SBF2: variants seen among roughly 807,000 people sequenced by gnomAD.
SBF2 encodes SET binding factor 2.
Under a neutral mutation model 225.2 loss-of-function variants are expected in SBF2, and 112 were observed. The ratio of observed to expected loss-of-function variants is 0.50; its 90% CI spans 0.43 to 0.58. The LOEUF (loss-of-function observed/expected upper bound fraction) is 0.58, where lower values mean the gene tolerates loss of function less well. Among genes scored for constraint, SBF2 ranks in the 20% least tolerant of loss-of-function variants. The pLI, the probability that SBF2 is intolerant of heterozygous loss-of-function variation, is 0.00. For synonymous variants in SBF2, 763 were observed against 773.3 expected, an observed-to-expected ratio of 0.99 and a Z score of 0.22; for missense variants, 1,996 against 2,206.2, an observed-to-expected ratio of 0.90 and a Z score of 1.91.
chr11:10,027,421 A>G (rs1949092235), intron 6 of SBF2, among the ~76,000 whole-genome samples: 1 of 152,184 alleles, frequency 6.6e-6, no homozygotes, highest in Admixed American at 6.6e-5. Flanking sequence ...ACACTGATGA[A>G]AAGGGTGGTA....
At chr11:9,849,980 T>A in intron 22 of SBF2, 43 bp downstream of exon 22, 2 of 1,557,926 alleles carry the variant, frequency 1.3e-6, no homozygotes, top group Non-Finnish European at 1.8e-6. Flanking sequence ...AGACCTCATG[T>A]ACCACACAGA....
chr11:10,191,147 AG>A (rs941926404), intron 2 of SBF2, among the ~76,000 whole-genome samples: 1 of 152,178 alleles, frequency 6.6e-6, no homozygotes, highest in African/African-American at 2.4e-5. Context: ...CCATTATGGA[AG>A]GGGTAAGAAT....
intron 2 of SBF2, among the ~76,000 whole-genome samples, chr11:10,158,010 T>G (rs1955555283): frequency 6.6e-6 from 1 of 152,162 alleles, no homozygotes; most frequent in Non-Finnish European, 1.5e-5. Context: ...TAAATTGGTA[T>G]GAAATTAGAA....
At chr11:9,841,060 T>G (rs1000587729) in intron 25 of SBF2, among the ~76,000 whole-genome samples, 7 of 152,154 alleles carry the variant, frequency 4.6e-5, no homozygotes, top group African/African-American at 1.7e-4. Context: ...TTTTTGAAAA[T>G]GTACTCAAAG....
chr11:9,854,191 A>T (rs1321353571), intron 19 of SBF2, among the ~76,000 whole-genome samples: 3 of 152,194 alleles, frequency 2.0e-5, no homozygotes, highest in Non-Finnish European at 4.4e-5. Context: ...CTCAGCAACA[A>T]GCGTACTCTT....
At chr11:9,963,924 C>A (rs766933012) in intron 14 of SBF2, 42 bp from the exon 15 acceptor site, 6 of 1,173,354 alleles carry the variant, frequency 5.1e-6, no homozygotes, top group Non-Finnish European at 6.3e-6. Context: ...AATTAAACTT[C>A]TTTGGTAATT....
chr11:10,037,651 CTTA>C (rs1949494955), intron 3 of SBF2, among the ~76,000 whole-genome samples: 1 of 150,792 alleles, frequency 6.6e-6, no homozygotes, highest in Non-Finnish European at 1.5e-5. Context: ...AAAAAAAATC[CTTA>C]TTATTGGAAG....
chr11:10,051,407 GTAT>G, intron 2 of SBF2, among the ~76,000 whole-genome samples: 1 of 152,084 alleles, frequency 6.6e-6, no homozygotes, highest in African/African-American at 2.4e-5. Context: ...GATTAAAAAA[GTAT>G]TACCCTTAAA....
At chr11:9,945,285 T>A (rs1865499589) in intron 16 of SBF2, among the ~76,000 whole-genome samples, 1 of 151,926 alleles carries the variant, frequency 6.6e-6, no homozygotes, top group East Asian at 1.9e-4. Flanking sequence ...AACCCAGAAA[T>A]AAAGCCACAC....
intron 14 of SBF2, 24 bp downstream of exon 14, chr11:9,968,317 T>A: frequency 1.2e-6 from 2 of 1,608,094 alleles, no homozygotes; most frequent in Non-Finnish European, 1.7e-6. Context: ...AGTTTACTTT[T>A]AAAACAGACA....
chr11:9,800,651 C>T (rs1192886375), intron 32 of SBF2, among the ~76,000 whole-genome samples: 3 of 152,134 alleles, frequency 2.0e-5, no homozygotes. Context: ...TCGTGATCTG[C>T]CTGTCTCGGC....
intron 26 of SBF2, among the ~76,000 whole-genome samples, chr11:9,833,077 A>G (rs898015564): frequency 6.6e-5 from 10 of 152,256 alleles, no homozygotes; most frequent in African/African-American, 2.2e-4. Context: ...CTGAGATGAC[A>G]TTAGAGAATA....
At chr11:10,058,803 T>C (rs188177586) in intron 2 of SBF2, among the ~76,000 whole-genome samples, 1 of 152,124 alleles carries the variant, frequency 6.6e-6, no homozygotes, top group African/African-American at 2.4e-5. Flanking sequence ...AGGCTGACAG[T>C]AGACCATTCA....
At chr11:9,802,211 T>A (rs990001319) in intron 32 of SBF2, among the ~76,000 whole-genome samples, 12 of 152,374 alleles carry the variant, frequency 7.9e-5, no homozygotes, top group South Asian at 6.2e-4. Context: ...GGATTTTTTT[T>A]AATTTGGCTC....
chr11:10,063,906 G>C (rs1278074262), intron 2 of SBF2, among the ~76,000 whole-genome samples: 1 of 147,990 alleles, frequency 6.8e-6, no homozygotes, highest in Non-Finnish European at 1.5e-5. Flanking sequence ...TCAGTGAGCT[G>C]TAAGAGAACT....
At chr11:9,942,003 TAAC>T (rs1865279079) in intron 16 of SBF2, among the ~76,000 whole-genome samples, 2 of 152,194 alleles carry the variant, frequency 1.3e-5, no homozygotes, top group Admixed American at 1.3e-4. Flanking sequence ...GCATTTACAG[TAAC>T]AACAACAAAA....
chr11:9,895,853 G>T, intron 17 of SBF2, 90 bp downstream of exon 17: 1 of 943,044 alleles, frequency 1.1e-6, no homozygotes, highest in Non-Finnish European at 1.7e-6. Flanking sequence ...CTACTAAGAG[G>T]ACAGGATTTT....
chr11:10,104,694 A>G (rs1312600074), intron 2 of SBF2, among the ~76,000 whole-genome samples: 1 of 152,168 alleles, frequency 6.6e-6, no homozygotes, highest in African/African-American at 2.4e-5. Context: ...AGATTCTACC[A>G]GTGCAACTGT....
chr11:10,227,333 C>T (rs902269791), intron 1 of SBF2, among the ~76,000 whole-genome samples: 1 of 152,128 alleles, frequency 6.6e-6, no homozygotes, highest in Non-Finnish European at 1.5e-5. Flanking sequence ...TAATTAGATT[C>T]CATTTGTCTA....
Sources: allele counts gnomAD v4.1 joint callset (sites outside exome capture counted in the v4.1 genomes callset), GRCh38; gene constraint gnomAD v4.1.1; transcripts MANE v1.5; gene names NCBI Gene and HGNC (gene_info 2026-07-23, HGNC 2026-07-21).